Variants in NFATC3 observed in about 807,000 individuals in gnomAD.
The protein encoded by NFATC3 is nuclear factor of activated T cells 3, also known as nuclear factor of activated T-cells, cytoplasmic 3.
In NFATC3, 46 loss-of-function variants were observed where a neutral mutation model predicts 98.6. The observed-to-expected ratio is 0.47, with a 90% confidence interval of 0.37 to 0.60. The LOEUF is 0.60. Ranked by LOEUF, NFATC3 falls within the 20% of genes least tolerant of loss-of-function variation. NFATC3 has a pLI of 0.00. For synonymous variants in NFATC3, 512 were observed against 472.2 expected, an observed-to-expected ratio of 1.08 and a Z score of -1.09; for missense variants, 1,256 against 1,295.5, an observed-to-expected ratio of 0.97 and a Z score of 0.47.
rs142728959 is a variant in NFATC3 at position 68,209,469 on chromosome 16, C to T, written c.3107-16881C>T. The T allele has an allele frequency of 1.8e-3, 345 of 193,006 alleles. 4 individuals carry two copies. The highest frequency in any genetic ancestry group is 7.1e-3 in the East Asian group (49 of 6,912). The allele number at this position is 193,006 out of a possible 1,614,324, so 12.0% of individuals were successfully genotyped here. ...CACCCGTAGACCACCACCATGGCCA[C>T]GGAAGGTGTTGCTGCTGGAGGTGTG... On this transcript the variant is annotated intron_variant, in intron 9 of 9. Coordinates refer to ENST00000346183, the MANE Select transcript of NFATC3 (RefSeq NM_173165.3).
intron 9 of NFATC3, among the ~76,000 whole-genome samples, chr16:68,208,267 C>A (rs1229574779): frequency 1.3e-5 from 2 of 152,012 alleles, no homozygotes; most frequent in Non-Finnish European, 2.9e-5. Context: ...AAACTCCTGA[C>A]CTCAGGTGAG....
chr16:68,183,329 GAAA>G lies in NFATC3; in HGVS notation c.2066_2068del (p.Lys689del). On this transcript the variant is annotated inframe_deletion, in exon 8 of 10. Transcript: ENST00000346183. ...ACTTTTATCTTTGCAATGGCAAGAGGAAAAAAAGCCAGTCTCAACGTTTTACTT... is the reference window on the plus strand; with the variant it reads ...ACTTTTATCTTTGCAATGGCAAGAGGAAAAGCCAGTCTCAACGTTTTACTT... The G allele has an allele frequency of 2.5e-6, 4 of 1,613,278 alleles. No individual in the cohort carries two copies. The highest frequency in any genetic ancestry group is 1.7e-6 in the Non-Finnish European group (2 of 1,179,810).
At chr16:68,165,695 C>G (rs1015845207) in intron 4 of NFATC3, among the ~76,000 whole-genome samples, 1 of 152,076 alleles carries the variant, frequency 6.6e-6, no homozygotes, top group Non-Finnish European at 1.5e-5. Flanking sequence ...TGCACCCGGC[C>G]GGTTCTTGTC....
rs144995985 is a variant in NFATC3, at chr16:68,174,403, A to G, written c.1804A>G (p.Ile602Val). The G allele has an allele frequency of 1.2e-5, 18 of 1,558,932 alleles. No homozygotes were observed. The highest frequency in any genetic ancestry group is 1.6e-5 in the Non-Finnish European group (18 of 1,154,298). Reference protein sequence around the residue: ...SQRSAQELPHIEKYSINSCSV... With the variant: ...SQRSAQELPHVEKYSINSCSV... ...GCGGTCTGCTCAAGAACTTCCTCAT[A>G]TTGAGAAGTACAGTATCAACAGTTG... Residue 602 changes from isoleucine (I) to valine (V), a missense_variant, in exon 6 of 10, where the codon ATT (isoleucine) becomes GTT (valine). By Grantham distance (29) the Ile-to-Val change is conservative. Around this residue, in one of 3 missense-constraint regions of NFATC3, gnomAD observed 636 missense variants for 617.3 expected, o/e 1.03. Coordinates refer to ENST00000346183, the MANE Select transcript of NFATC3 (RefSeq NM_173165.3).
At chr16:68,090,305 CCCAA>C (rs1180603311) in intron 1 of NFATC3, among the ~76,000 whole-genome samples, 1 of 136,528 alleles carries the variant, frequency 7.3e-6, no homozygotes, top group Non-Finnish European at 1.6e-5. Context: ...ACCCCCCCCC[CCCAA>C]CATTTCTTTA....
At chr16:68,221,307 C>G (rs1161531051) in intron 9 of NFATC3, 5 of 1,612,420 alleles carry the variant, frequency 3.1e-6, no homozygotes, top group African/African-American at 1.3e-5. Flanking sequence ...ACCCAGAGCC[C>G]CCAGCCCGAG....
At chr16:68,196,867 C>A (rs2151126005) in intron 9 of NFATC3, among the ~76,000 whole-genome samples, 1 of 151,538 alleles carries the variant, frequency 6.6e-6, no homozygotes, top group East Asian at 2.0e-4. Flanking sequence ...CCCGTCTCTA[C>A]CAAAAATACA....
chr16:68,099,434 C>CA (rs997913348), intron 1 of NFATC3, among the ~76,000 whole-genome samples: 2,051 of 137,754 alleles, frequency 0.015, 22 homozygotes, highest in African/African-American at 0.033. Flanking sequence ...GACCCCACCT[C>CA]AAAAAAAAAA....
At chr16:68,220,808 A>T (rs2041836760) in intron 9 of NFATC3, among the ~76,000 whole-genome samples, 2 of 150,610 alleles carry the variant, frequency 1.3e-5, no homozygotes, top group South Asian at 4.2e-4. Flanking sequence ...AGTCCCAGCT[A>T]CTCGGGAGGC....
At chr16:68,183,433 A>G in intron 8 of NFATC3, 67 bp downstream of exon 8, 2 of 1,551,202 alleles carry the variant, frequency 1.3e-6, no homozygotes, top group Non-Finnish European at 1.8e-6. Flanking sequence ...TATTTAACGA[A>G]TCCTATATTA....
chr16:68,176,130 A>G (rs1480350798), intron 6 of NFATC3, among the ~76,000 whole-genome samples: 1 of 151,818 alleles, frequency 6.6e-6, no homozygotes, highest in Non-Finnish European at 1.5e-5. Context: ...GGCGCCCACC[A>G]CCATGCCCAG....
intron 9 of NFATC3, among the ~76,000 whole-genome samples, chr16:68,210,017 G>T (rs908287713): frequency 7.3e-5 from 11 of 151,636 alleles, no homozygotes; most frequent in Admixed American, 5.9e-4. Flanking sequence ...ACAAAAAATG[G>T]CCAGGTGCAG....
At chr16:68,143,565 C>T (rs980801723) in intron 3 of NFATC3, among the ~76,000 whole-genome samples, 4 of 152,040 alleles carry the variant, frequency 2.6e-5, no homozygotes, top group Non-Finnish European at 5.9e-5. Flanking sequence ...TTATAAAACA[C>T]AGGTCAGGAG....
chr16:68,119,860 G>A (rs1015077935), intron 1 of NFATC3, among the ~76,000 whole-genome samples: 3 of 152,090 alleles, frequency 2.0e-5, no homozygotes, highest in Non-Finnish European at 4.4e-5. Flanking sequence ...TTACATAGTA[G>A]TTGCTAAAAA....
chr16:68,206,751 G>A (rs1200892733), intron 9 of NFATC3, among the ~76,000 whole-genome samples: 1 of 152,140 alleles, frequency 6.6e-6, no homozygotes, highest in Non-Finnish European at 1.5e-5. Context: ...GGGAAGCTGA[G>A]GTGGGTGGAT....
chr16:68,110,816 C>T (rs1003301514), intron 1 of NFATC3, among the ~76,000 whole-genome samples: 3 of 152,168 alleles, frequency 2.0e-5, no homozygotes, highest in Non-Finnish European at 4.4e-5. Flanking sequence ...CCTCTTAACA[C>T]TGCTTTAGCT....
At chr16:68,134,485 G>T (rs1011404996) in intron 3 of NFATC3, among the ~76,000 whole-genome samples, 1 of 152,084 alleles carries the variant, frequency 6.6e-6, no homozygotes, top group African/African-American at 2.4e-5. Flanking sequence ...GAGCCACTGT[G>T]CCCAGCCAGC....
intron 1 of NFATC3, among the ~76,000 whole-genome samples, chr16:68,118,079 C>T (rs1159121354): frequency 2.0e-5 from 3 of 152,180 alleles, no homozygotes; most frequent in Non-Finnish European, 2.9e-5. Flanking sequence ...CTTAAAGAAA[C>T]CAAGGCGTTA....
intron 2 of NFATC3, among the ~76,000 whole-genome samples, chr16:68,125,131 C>T (rs1273237371): frequency 1.3e-5 from 2 of 152,342 alleles, no homozygotes; most frequent in Middle Eastern, 3.4e-3. Flanking sequence ...CCCTTTGCTT[C>T]TGAAATTTAT....
Sources: allele counts gnomAD v4.1 joint callset (sites outside exome capture counted in the v4.1 genomes callset), GRCh38; gene constraint gnomAD v4.1.1; regional missense constraint gnomAD v4.1.1; transcripts MANE v1.5; gene names NCBI Gene and HGNC (gene_info 2026-07-23, HGNC 2026-07-21).